Variants in DNAJA4 observed in about 807,000 individuals in gnomAD.
The protein encoded by DNAJA4 is DnaJ heat shock protein family (Hsp40) member A4.
DNAJA4 carries 32 observed loss-of-function variants against 39.7 expected under a neutral mutation model. That is an observed-to-expected ratio of 0.81 (90% CI 0.61 to 1.08). DNAJA4 has a LOEUF of 1.08. Among genes scored for constraint, DNAJA4 ranks in the 50% least tolerant of loss-of-function variants. The pLI is 0.00. For synonymous variants in DNAJA4, 184 were observed against 182.4 expected (o/e 1.01, Z -0.07); for missense variants, 439 against 505.1 (o/e 0.87, Z 1.25).
Position 78,279,970 on chromosome 15 carries a change from G to A in DNAJA4, c.878-75G>A, listed in dbSNP as rs552189568. On this transcript the variant is annotated intron_variant, in intron 5 of 6. Coordinates refer to ENST00000394852, the MANE Select transcript of DNAJA4 (RefSeq NM_001130182.2). The surrounding 1 kb of genome is among the most constrained non-coding windows in gnomAD (Gnocchi z 4.5). Reference sequence around the variant, plus strand: ...CACGGGGCACTAGGGCCTGCCGCAGGCTCTCCCATGAGGGAGAACGACCTC... The same window carrying A: ...CACGGGGCACTAGGGCCTGCCGCAGACTCTCCCATGAGGGAGAACGACCTC... The A allele has an allele frequency of 1.4e-6, 2 of 1,433,472 alleles. No individual in the cohort carries two copies. Among genetic ancestry groups the A allele is most frequent in the African/African-American group, 2.8e-5 (2 of 70,822 alleles). 88.8% of individuals were successfully genotyped at this position (1,433,472 alleles called of 1,614,324 possible).
intron 1 of DNAJA4, 26 bp downstream of exon 1, chr15:78,264,921 C>T (rs28673098): frequency 2.6e-6 from 4 of 1,562,166 alleles, no homozygotes; most frequent in Non-Finnish European, 2.6e-6. Context: ...GGGCACGGGC[C>T]GGGCTCCCGA....
chr15:78,278,409 G>A, intron 5 of DNAJA4: 1 of 413,928 alleles, frequency 2.4e-6, no homozygotes, highest in Non-Finnish European at 4.9e-6. Context: ...GAACACCATA[G>A]AATGTACTCA....
chr15:78,275,718 A>T lies in DNAJA4; in HGVS notation c.867A>T (p.Thr289=). Residue 289 remains threonine (T), a synonymous_variant, in exon 5 of 7, where the codon ACA becomes ACT. Coordinates refer to ENST00000394852, the MANE Select transcript of DNAJA4 (RefSeq NM_001130182.2). The part of the protein sequence containing the change: ...KTLDNRILVI[T]SKAGEVIKHG... ...TGGACAATCGAATTCTTGTTATTAC[A>T]TCCAAAGCAGGTAATGTTTCAAAGT... 6.2e-7 allele frequency: 1 copy of T among 1,602,014 alleles called. No homozygotes were observed. Among genetic ancestry groups the T allele is most frequent in the Non-Finnish European group, 8.5e-7 (1 of 1,171,048 alleles).
intron 3 of DNAJA4, among the ~76,000 whole-genome samples, chr15:78,273,824 C>T (rs1298141032): frequency 6.6e-6 from 1 of 152,204 alleles, no homozygotes; most frequent in Non-Finnish European, 1.5e-5. Context: ...AGAGAATTGG[C>T]TGAGCTGGGT....
rs936795353 is a variant in DNAJA4 at position 78,280,708 on chromosome 15, T to A, written c.*248T>A. 1.7e-5 allele frequency: 7 copies of A among 417,254 alleles called. No homozygotes were observed. The highest frequency in any genetic ancestry group is 1.2e-4 in the Admixed American group (3 of 24,330). The allele number at this position is 417,254 out of a possible 1,614,324, so 25.8% of individuals were successfully genotyped here. A position where few individuals can be genotyped will look rare whatever the true frequency, so the allele number is the denominator to read the frequency against. ...CATATGGAATCTGTTCATTTCTATT[T>A]TCAGGATATACTTTTGAGATGTCAG... On this transcript the variant is annotated 3_prime_UTR_variant, in exon 7 of 7. Transcript: ENST00000394852.
intron 1 of DNAJA4, among the ~76,000 whole-genome samples, chr15:78,269,720 C>T (rs190472314): frequency 1.3e-4 from 20 of 151,760 alleles, no homozygotes; most frequent in Middle Eastern, 3.4e-3. Context: ...TTTTTTTCTC[C>T]CCTGTGCAGG....
chr15:78,270,526 G>A lies in DNAJA4; in HGVS notation c.162G>A (p.Val54=), dbSNP rs1263782893. 1.2e-6 allele frequency: 2 copies of A among 1,614,104 alleles called. No homozygotes were observed. Among genetic ancestry groups the A allele is most frequent in the South Asian group, 1.1e-5 (1 of 91,062 alleles). The stretch of plus-strand genomic sequence containing the variant: ...AACTCATATCCCAGGCATATGAAGT[G>A]CTTTCAGATCCAAAGAAAAGGGATG... ...KFKLISQAYE[V]LSDPKKRDVY... The change falls in exon 2 of 7, where the codon GTG becomes GTA. Residue 54 remains valine (V), a synonymous_variant. Coordinates refer to ENST00000394852, the MANE Select transcript of DNAJA4 (RefSeq NM_001130182.2).
intron 2 of DNAJA4, 53 bp downstream of exon 2, chr15:78,270,730 G>A (rs1033356699): frequency 3.1e-5 from 48 of 1,569,300 alleles, no homozygotes; most frequent in African/African-American, 1.5e-4. Flanking sequence ...ACAATTATAC[G>A]TGTTGTTGGA....
chr15:78,277,704 T>C (rs2049510069), intron 5 of DNAJA4: 1 of 315,690 alleles, frequency 3.2e-6, no homozygotes, highest in Admixed American at 4.5e-5. Context: ...CTATTTGAGG[T>C]CCTGGGCCCC....
chr15:78,280,106 A>G lies in DNAJA4; in HGVS notation c.939A>G (p.Lys313=). Residue 313 remains lysine, a synonymous_variant, in exon 6 of 7, where the codon AAA becomes AAG. Transcript: ENST00000394852. ...GCGATGAAGGAATGCCCATCTACAAAGCACCCCTGGAAAAAGGGATTCTGA... is the reference window on the plus strand; with the variant it reads ...GCGATGAAGGAATGCCCATCTACAAGGCACCCCTGGAAAAAGGGATTCTGA... ...CVRDEGMPIY[K]APLEKGILII... The G allele has an allele frequency of 1.9e-6, 3 of 1,614,248 alleles. No homozygotes were observed. Among genetic ancestry groups the G allele is most frequent in the Non-Finnish European group, 2.5e-6 (3 of 1,180,038 alleles).
At chr15:78,276,131 C>T (rs1018636770) in intron 5 of DNAJA4, among the ~76,000 whole-genome samples, 2 of 152,148 alleles carry the variant, frequency 1.3e-5, no homozygotes, top group Non-Finnish European at 2.9e-5. Flanking sequence ...TAGATGAATT[C>T]TGGCAATTAA....
chr15:78,275,837 G>A, intron 5 of DNAJA4, 109 bp downstream of exon 5: 1 of 750,326 alleles, frequency 1.3e-6, no homozygotes. Flanking sequence ...ATATTGATGG[G>A]GTGCATGTGA....
chr15:78,264,249 C>T (rs1352009641), upstream of DNAJA4: 12 of 959,374 alleles, frequency 1.3e-5, no homozygotes, highest in South Asian at 2.6e-4. Context: ...GGGGCGGCCT[C>T]GGGGCGGCGG....
At chr15:78,264,222 AC>A (rs1010186628), upstream of DNAJA4, 151 of 927,470 alleles carry the variant, frequency 1.6e-4, 3 homozygotes, top group African/African-American at 2.3e-3. Context: ...GGCTCCACGG[AC>A]CCACGGAAGG....
At chr15:78,270,391 G>A in intron 1 of DNAJA4, 106 bp from the exon 2 acceptor site, 1 of 1,232,886 alleles carries the variant, frequency 8.1e-7, no homozygotes, top group South Asian at 1.5e-5. Context: ...TAGTTCAAGG[G>A]TTTGGGGGCA....
At chr15:78,270,784 G>A (rs764990712) in intron 2 of DNAJA4, 107 bp downstream of exon 2, 15 of 1,255,822 alleles carry the variant, frequency 1.2e-5, no homozygotes, top group South Asian at 5.1e-5. Context: ...TGGGCCAGGC[G>A]CGGTGGTTCA....
At chr15:78,277,626 C>T (rs1412698527) in intron 5 of DNAJA4, among the ~76,000 whole-genome samples, 1 of 152,146 alleles carries the variant, frequency 6.6e-6, no homozygotes, top group African/African-American at 2.4e-5. Context: ...TCCTAGCCCT[C>T]CTGAGCCGGG....
intron 1 of DNAJA4, chr15:78,265,503 A>T (rs1228078861): frequency 1.4e-6 from 1 of 702,384 alleles, no homozygotes; most frequent in Admixed American, 2.0e-5. Flanking sequence ...CTGCAACCTG[A>T]CATCAGCTTG....
chr15:78,267,148 G>GAGTGTGCA (rs1284248851), intron 1 of DNAJA4, among the ~76,000 whole-genome samples: 2 of 85,840 alleles, frequency 2.3e-5, no homozygotes, highest in Non-Finnish European at 5.4e-5. Context: ...GTGAGTGTGT[G>GAGTGTGCA]TGTGAGTGTG....
Sources: allele counts gnomAD v4.1 joint callset (sites outside exome capture counted in the v4.1 genomes callset), GRCh38; gene constraint gnomAD v4.1.1; non-coding constraint Gnocchi (gnomAD v3.1); transcripts MANE v1.5; gene names NCBI Gene and HGNC (gene_info 2026-07-23, HGNC 2026-07-21).